The following CDK14 variants were observed in gnomAD, a reference collection of about 807,000 sequenced individuals.
CDK14 encodes the protein cyclin dependent kinase 14.
Under a neutral mutation model 60.7 loss-of-function variants are expected in CDK14, and 34 were observed. The ratio of observed to expected loss-of-function variants is 0.56; its 90% confidence interval spans 0.43 to 0.75. CDK14 has a LOEUF of 0.75. Among genes scored for constraint, CDK14 ranks in the 30% least tolerant of loss-of-function variants. The pLI, the probability that CDK14 is intolerant of heterozygous loss-of-function variation, is 0.00. For synonymous variants in CDK14, 197 were observed against 203.7 expected (o/e 0.97, Z 0.28); for missense variants, 482 against 564.1 (o/e 0.85, Z 1.47).
intron 12 of CDK14, among the ~76,000 whole-genome samples, chr7:91,108,734 C>T (rs1799385967): frequency 6.6e-6 from 1 of 152,152 alleles, no homozygotes; most frequent in Non-Finnish European, 1.5e-5. Context: ...TTATAAATCT[C>T]ATTTCGTGCT....
At chr7:90,919,553 A>AT (rs1793183350) in intron 8 of CDK14, among the ~76,000 whole-genome samples, 1 of 152,106 alleles carries the variant, frequency 6.6e-6, no homozygotes, top group Non-Finnish European at 1.5e-5. Flanking sequence ...AAATGATAAC[A>AT]TTTTTCTCGT....
intron 2 of CDK14, among the ~76,000 whole-genome samples, chr7:90,667,595 G>T (rs1801010667): frequency 6.7e-6 from 1 of 148,568 alleles, no homozygotes; most frequent in Admixed American, 6.7e-5. Flanking sequence ...TTTTTGAGAC[G>T]GAGTCTTGCT....
At chr7:90,809,776 G>A (rs1789013698) in intron 5 of CDK14, among the ~76,000 whole-genome samples, 1 of 152,176 alleles carries the variant, frequency 6.6e-6, no homozygotes, top group South Asian at 2.1e-4. Flanking sequence ...AATAAAAAAT[G>A]ATAAAGGGGA....
Position 90,932,965 on chromosome 7 carries a change from C to T in CDK14, c.826+15241C>T, listed in dbSNP as rs7789683. On this transcript the variant is annotated intron_variant, in intron 8 of 14. Coordinates refer to ENST00000380050, the MANE Select transcript of CDK14 (RefSeq NM_001287135.2). ...AAGGGAGTCATGGGAACCACCTTAG[C>T]GTTTGCCAACCATTGTTGGTATCAA... Among the ~76,000 whole-genome samples the T allele has an allele frequency of 9.9e-3, 1,512 of 152,296 alleles. 25 individuals carry two copies. The highest frequency in any genetic ancestry group is 0.033 in the African/African-American group (1,388 of 41,558).
intron 12 of CDK14, among the ~76,000 whole-genome samples, chr7:91,096,504 T>C (rs1206789274): frequency 6.6e-6 from 1 of 152,164 alleles, no homozygotes; most frequent in Non-Finnish European, 1.5e-5. Flanking sequence ...AACTACCCAG[T>C]TAAGCTTCTC....
At chr7:91,143,395 A>G (rs1174708590) in intron 14 of CDK14, among the ~76,000 whole-genome samples, 1 of 152,142 alleles carries the variant, frequency 6.6e-6, no homozygotes, top group Non-Finnish European at 1.5e-5. Flanking sequence ...GATGGCTGTC[A>G]TGCCATAAAG....
At chr7:90,964,458 C>G (rs1263163134) in intron 9 of CDK14, among the ~76,000 whole-genome samples, 2 of 152,096 alleles carry the variant, frequency 1.3e-5, no homozygotes, top group Non-Finnish European at 2.9e-5. Context: ...CTTCAGTTTC[C>G]GAACCAGAAA....
intron 2 of CDK14, among the ~76,000 whole-genome samples, chr7:90,650,456 A>C (rs887005221): frequency 1.3e-5 from 2 of 152,086 alleles, no homozygotes; most frequent in Non-Finnish European, 2.9e-5. Context: ...GAAGCTCTTT[A>C]GTTTAATTAG....
chr7:91,185,683 A>G (rs1041998081), intron 14 of CDK14, among the ~76,000 whole-genome samples: 1 of 151,914 alleles, frequency 6.6e-6, no homozygotes, highest in African/African-American at 2.4e-5. Flanking sequence ...AGATATTACC[A>G]CATCCTAAAA....
chr7:90,847,860 G>T (rs144897875), intron 5 of CDK14, among the ~76,000 whole-genome samples: 6 of 152,256 alleles, frequency 3.9e-5, no homozygotes, highest in African/African-American at 1.4e-4. Flanking sequence ...GAGAAATGCA[G>T]GTTCAAGGGC....
intron 12 of CDK14, among the ~76,000 whole-genome samples, chr7:91,100,203 A>C (rs1458420899): frequency 6.6e-6 from 1 of 152,212 alleles, no homozygotes; most frequent in Non-Finnish European, 1.5e-5. Flanking sequence ...CTGATAAATC[A>C]TAGGAGAAGT....
intron 11 of CDK14, among the ~76,000 whole-genome samples, chr7:91,060,832 AT>A (rs1797760913): frequency 6.6e-6 from 1 of 151,798 alleles, no homozygotes; most frequent in Non-Finnish European, 1.5e-5. Flanking sequence ...TGCCCTTAAC[AT>A]TTTTTCCTTC....
At chr7:90,792,094 G>C (rs1462144464) in intron 5 of CDK14, among the ~76,000 whole-genome samples, 1 of 151,668 alleles carries the variant, frequency 6.6e-6, no homozygotes, top group Non-Finnish European at 1.5e-5. Context: ...TAGAGATGGG[G>C]TTTCACCGTG....
intron 3 of CDK14, among the ~76,000 whole-genome samples, chr7:90,736,526 A>G (rs1803122463): frequency 6.6e-6 from 1 of 151,952 alleles, no homozygotes; most frequent in Non-Finnish European, 1.5e-5. Flanking sequence ...AGGGAGCCTT[A>G]TAGACACGGG....
At chr7:90,967,444 G>A (rs572840460) in intron 9 of CDK14, among the ~76,000 whole-genome samples, 19 of 152,188 alleles carry the variant, frequency 1.2e-4, no homozygotes, top group African/African-American at 4.1e-4. Flanking sequence ...TTTTCCTGGG[G>A]CACAAATTTA....
intron 12 of CDK14, among the ~76,000 whole-genome samples, chr7:91,100,537 GATA>G (rs1386859942): frequency 6.6e-6 from 1 of 152,154 alleles, no homozygotes; most frequent in African/African-American, 2.4e-5. Context: ...AATATTTTAT[GATA>G]ATGTCTGTAT....
chr7:90,893,461 A>G (rs774634297), intron 6 of CDK14, among the ~76,000 whole-genome samples: 8 of 152,180 alleles, frequency 5.3e-5, no homozygotes, highest in Middle Eastern at 3.2e-3. Context: ...TTAGTATGTC[A>G]TCACAGGAGA....
At chr7:91,154,266 C>A (rs1215418890) in intron 14 of CDK14, among the ~76,000 whole-genome samples, 1 of 151,222 alleles carries the variant, frequency 6.6e-6, no homozygotes, top group African/African-American at 2.4e-5. Flanking sequence ...CCCATGTCAT[C>A]AAATCCTCTT....
intron 2 of CDK14, among the ~76,000 whole-genome samples, chr7:90,697,609 A>T (rs1368380792): frequency 6.6e-6 from 1 of 152,196 alleles, no homozygotes; most frequent in Non-Finnish European, 1.5e-5. Context: ...GAACTGCCCC[A>T]TGTGAGATTT....
Sources: allele counts gnomAD v4.1 joint callset (sites outside exome capture counted in the v4.1 genomes callset), GRCh38; gene constraint gnomAD v4.1.1; transcripts MANE v1.5; gene names NCBI Gene and HGNC (gene_info 2026-07-23, HGNC 2026-07-21).